Variants in MCTP1 observed in about 807,000 individuals in gnomAD.
The protein encoded by MCTP1 is multiple C2 and transmembrane domain containing 1, also known as multiple C2 and transmembrane domain-containing protein 1.
In MCTP1, 69 loss-of-function variants were observed where a neutral mutation model predicts 120.6. That is an observed-to-expected ratio of 0.57 (90% CI 0.47 to 0.70). MCTP1 has a LOEUF of 0.70. Ranked by LOEUF, MCTP1 falls within the 30% of genes least tolerant of loss-of-function variation. The pLI is 0.00. For missense variants in MCTP1, 1,203 were observed against 1,248.8 expected, an observed-to-expected ratio of 0.96 and a Z score of 0.55; for synonymous variants, 529 against 493.1, an observed-to-expected ratio of 1.07 and a Z score of -0.96.
At chr5:94,819,118 T>TATTTATTTATTCATTC (rs78332652) in intron 17 of MCTP1, among the ~76,000 whole-genome samples, 2,545 of 140,564 alleles carry the variant, frequency 0.018, 41 homozygotes, top group Non-Finnish European at 0.027. Flanking sequence ...TTTATTTATT[T>TATTTATTTATTCATTC]ATTCATTCAT....
intron 19 of MCTP1, among the ~76,000 whole-genome samples, chr5:94,730,924 ACACACACACACTCCACACACACACACTC>A (rs915009221): frequency 7.6e-4 from 6 of 7,902 alleles, no homozygotes; most frequent in African/African-American, 2.9e-3. Context: ...AACACACTCC[ACACACACACACTCCACACACACACACTC>A]CACACACACA....
chr5:94,749,380 T>C (rs11960858), intron 19 of MCTP1, among the ~76,000 whole-genome samples: 111,715 of 152,016 alleles, frequency 0.73, 41,386 homozygotes, highest in African/African-American at 0.83. Flanking sequence ...ATCGGCCAGC[T>C]GTGGTGGCTC....
At chr5:95,002,891 C>A (rs1833998669) in intron 2 of MCTP1, among the ~76,000 whole-genome samples, 1 of 152,062 alleles carries the variant, frequency 6.6e-6, no homozygotes, top group South Asian at 2.1e-4. Context: ...GGCTTTGTGT[C>A]CCCACCCAAA....
chr5:95,065,684 G>A (rs1199559523), intron 1 of MCTP1, among the ~76,000 whole-genome samples: 1 of 152,124 alleles, frequency 6.6e-6, no homozygotes, highest in African/African-American at 2.4e-5. Context: ...TTGAGATTGA[G>A]AAAAGAACAG....
intron 17 of MCTP1, among the ~76,000 whole-genome samples, chr5:94,820,915 A>G (rs1003266377): frequency 5.9e-5 from 9 of 152,330 alleles, no homozygotes; most frequent in African/African-American, 1.9e-4. Flanking sequence ...TAGCACTGAG[A>G]TAGGCGCTTT....
chr5:95,031,018 C>G (rs1011165509), intron 1 of MCTP1, among the ~76,000 whole-genome samples: 1 of 151,016 alleles, frequency 6.6e-6, no homozygotes, highest in East Asian at 1.9e-4. Flanking sequence ...TAACAATAGA[C>G]TAACCAAGCA....
intron 19 of MCTP1, 83 bp downstream of exon 19, chr5:94,779,027 T>C: frequency 7.9e-7 from 1 of 1,266,692 alleles, no homozygotes; most frequent in Non-Finnish European, 1.2e-6. Context: ...ACACTTCAAC[T>C]CCTTTTTTAA....
chr5:95,131,521 G>A (rs1488930898), intron 1 of MCTP1, among the ~76,000 whole-genome samples: 2 of 152,078 alleles, frequency 1.3e-5, no homozygotes, highest in African/African-American at 4.8e-5. Context: ...GAAAAGGATG[G>A]GCCAGGTTTT....
At chr5:95,022,558 T>C (rs1248985607) in intron 1 of MCTP1, among the ~76,000 whole-genome samples, 1 of 152,202 alleles carries the variant, frequency 6.6e-6, no homozygotes, top group East Asian at 1.9e-4. Context: ...GAAAATGAAT[T>C]ATGCTAGAGG....
At chr5:95,174,121 C>A (rs1383347809) in intron 1 of MCTP1, among the ~76,000 whole-genome samples, 1 of 151,980 alleles carries the variant, frequency 6.6e-6, no homozygotes, top group Non-Finnish European at 1.5e-5. Flanking sequence ...CACAGAATTA[C>A]AATGCCTTGC....
chr5:94,909,359 G>C lies in MCTP1; in HGVS notation c.1544C>G (p.Pro515Arg). 6.3e-7 allele frequency: 1 copy of C among 1,588,588 alleles called. No homozygotes were observed. Among genetic ancestry groups the C allele is most frequent in the South Asian group, 1.2e-5 (1 of 84,996 alleles). The change falls in exon 10 of 23, where the codon CCT becomes CGT. Residue 515 changes from proline to arginine, a missense_variant. By Grantham distance (103) the Pro-to-Arg change is moderately radical. Around this residue, in one of 2 missense-constraint regions of MCTP1, gnomAD observed 740 missense variants for 871.1 expected, o/e 0.85. Transcript: ENST00000515393. ...AAAATCAAATTGTTCCCTCCACTGA[G>C]GATTCAACGTTTTTGGCATAATCTG... Reference protein sequence around the residue: ...KSKIMPKTLNPQWREQFDFHL... With the variant: ...KSKIMPKTLNRQWREQFDFHL...
chr5:95,051,326 T>C (rs1745851322), intron 1 of MCTP1, among the ~76,000 whole-genome samples: 1 of 152,112 alleles, frequency 6.6e-6, no homozygotes, highest in Non-Finnish European at 1.5e-5. Context: ...CAGTATTCCA[T>C]ATGCCCAAAG....
intron 6 of MCTP1, among the ~76,000 whole-genome samples, chr5:94,930,267 ATTTTT>A (rs869306266): frequency 5.6e-4 from 57 of 100,944 alleles, no homozygotes; most frequent in Middle Eastern, 7.4e-3. Context: ...TTAAAGAAGA[ATTTTT>A]TTTTTTTTTT....
chr5:94,861,717 G>T (rs185541239), intron 17 of MCTP1, among the ~76,000 whole-genome samples: 3 of 151,904 alleles, frequency 2.0e-5, no homozygotes, highest in Admixed American at 1.3e-4. Flanking sequence ...TCCTTCAGAA[G>T]ACAAGAACAT....
rs1334938728 is a variant in MCTP1 at position 94,814,478 on chromosome 5, ATATCAACATCAATCTT to A, written c.2437-15362_2437-15347del. 2.0e-5 allele frequency among the ~76,000 whole-genome samples: 3 copies of A among 152,242 alleles called. No individual in the cohort carries two copies. The East Asian group carries it at 5.8e-4, about 29-fold the overall frequency. On this transcript the variant is annotated intron_variant, in intron 17 of 22. Transcript: ENST00000515393. Reference sequence around the variant, plus strand: ...AGCCACTATAAAATAGCTAAAGCAAATATCAACATCAATCTTTGCTAATTATAACTGGAAAAGCAGG... The same window carrying A: ...AGCCACTATAAAATAGCTAAAGCAAATGCTAATTATAACTGGAAAAGCAGG...
intron 1 of MCTP1, among the ~76,000 whole-genome samples, chr5:95,185,085 A>ATCTT (rs1246731593): frequency 6.6e-6 from 1 of 152,164 alleles, no homozygotes; most frequent in Non-Finnish European, 1.5e-5. Flanking sequence ...CTGTCTTAAG[A>ATCTT]AAGCAGCTCT....
At chr5:95,009,105 AGAG>A (rs1428609897) in intron 2 of MCTP1, among the ~76,000 whole-genome samples, 1 of 122,298 alleles carries the variant, frequency 8.2e-6, no homozygotes, top group African/African-American at 2.8e-5. Flanking sequence ...AGAGAGAGAG[AGAG>A]AAGCATTGGG....
At chr5:94,940,618 G>A (rs457778) in intron 4 of MCTP1, among the ~76,000 whole-genome samples, 87,887 of 142,378 alleles carry the variant, frequency 0.62, 27,400 homozygotes, top group East Asian at 0.73. Context: ...ATATATATGT[G>A]TATATATATA....
chr5:94,889,552 G>A (rs1392516108), intron 11 of MCTP1, among the ~76,000 whole-genome samples: 1 of 152,118 alleles, frequency 6.6e-6, no homozygotes, highest in Non-Finnish European at 1.5e-5. Context: ...TCGCGCCACT[G>A]CACTCCAGCC....
Sources: gnomAD v4.1 joint callset for allele counts (sites outside exome capture counted in the v4.1 genomes callset) on GRCh38, gnomAD v4.1.1 for gene constraint, gnomAD v4.1.1 regional missense constraint, MANE v1.5 for transcripts, NCBI Gene and HGNC (gene_info 2026-07-23, HGNC 2026-07-21) for gene names.